Variants in ADRA2C observed in about 807,000 individuals in gnomAD.
ADRA2C encodes the protein adrenoceptor alpha 2C.
A neutral mutation model predicts 7.9 loss-of-function variants in ADRA2C; 4 were observed. The ratio of observed to expected loss-of-function variants is 0.51; its 90% CI spans 0.25 to 1.16. The LOEUF (loss-of-function observed/expected upper bound fraction) is 1.16, where lower values mean the gene tolerates loss of function less well. Among genes scored for constraint, ADRA2C ranks in the 50% most tolerant of loss-of-function variants. ADRA2C has a pLI of 0.15. For missense variants in ADRA2C, 589 were observed against 677.7 expected, an observed-to-expected ratio of 0.87 and a Z score of 1.45; for synonymous variants, 368 against 328.9, an observed-to-expected ratio of 1.12 and a Z score of -1.29.
Position 3,767,672 on chromosome 4 carries a change from T to C in ADRA2C, c.1066T>C (p.Phe356Leu). The change falls in exon 1 of 1, where the codon TTC becomes CTC. Residue 356 changes from phenylalanine to leucine, a missense_variant. Phe to Leu is a conservative substitution (Grantham distance 22). Coordinates refer to ENST00000330055, the MANE Select transcript of ADRA2C (RefSeq NM_000683.4). ...CGCCAGCTCGCGCTCCGTCGAGTTC[T>C]TCCTGTCGCGCCGGCGCCGGGCGCG... ...SRASSRSVEFFLSRRRRARSS... is the reference protein window; with the variant it reads ...SRASSRSVEFLLSRRRRARSS... 1.3e-6 allele frequency: 2 copies of C among 1,572,602 alleles called. No homozygotes were observed. Among genetic ancestry groups the C allele is most frequent in the Non-Finnish European group, 8.6e-7 (1 of 1,161,936 alleles).
rs747990947 is a variant in ADRA2C, at chr4:3,766,927, C to T, written c.321C>T (p.Phe107=). 1 of 1,610,936 alleles carries T rather than the reference C, an allele frequency of 6.2e-7. No homozygotes were observed. Among genetic ancestry groups the T allele is most frequent in the South Asian group, 1.1e-5 (1 of 90,980 alleles). ...DILVATLVMP[F]SLANELMAYW... is the part of the protein sequence containing the mutation. ...TGGTGGCCACGCTGGTCATGCCCTT[C>T]TCGTTGGCCAACGAGCTCATGGCCT... is the stretch of plus-strand genomic sequence containing the variant. The change falls in exon 1 of 1, where the codon TTC becomes TTT. Residue 107 remains phenylalanine, a synonymous_variant. Coordinates refer to ENST00000330055, the MANE Select transcript of ADRA2C (RefSeq NM_000683.4). The surrounding 1 kb of genome is among the most constrained non-coding windows in gnomAD (Gnocchi z 4.5).
rs1320617113 is a variant in ADRA2C at position 3,767,579 on chromosome 4, CCGGGGGCGGCTGAGT to C, written c.982_996del (p.Ala328_Ala332del). On this transcript the variant is annotated inframe_deletion, in exon 1 of 1. Coordinates refer to ENST00000330055, the MANE Select transcript of ADRA2C (RefSeq NM_000683.4). ...CGGTGCGGACGGGCAGGGGGCGGGG[CCGGGGGCGGCTGAGT>C]CGGGGGCGCTGACCGCCTCCAGGTC... 1.8e-5 allele frequency: 19 copies of C among 1,053,506 alleles called. No homozygotes were observed. Among genetic ancestry groups the C allele is most frequent in the Non-Finnish European group, 2.0e-5 (18 of 884,882 alleles). 65.3% of individuals were successfully genotyped at this position (1,053,506 alleles called of 1,614,324 possible).
rs1049194375 is a variant in ADRA2C, at chr4:3,767,547, G to C, written c.941G>C (p.Gly314Ala). The change falls in exon 1 of 1, where the codon GGC (glycine) becomes GCC (alanine). Residue 314 changes from glycine to alanine, a missense_variant. Coordinates refer to ENST00000330055, the MANE Select transcript of ADRA2C (RefSeq NM_000683.4). ...CGGCGGCGAGCGGGCGCGGAGGGGG[G>C]CGCGGGCGGTGCGGACGGGCAGGGG... is the stretch of plus-strand genomic sequence containing the variant. ...GGRRRAGAEG[G>A]AGGADGQGAG... 5.7e-6 allele frequency: 6 copies of C among 1,049,078 alleles called. No individual in the cohort carries two copies. In the East Asian group the frequency reaches 3.5e-4, roughly 61 times the overall value. The allele number at this position is 1,049,078 out of a possible 1,614,324, so 65.0% of individuals were successfully genotyped here. A position where few individuals can be genotyped will look rare whatever the true frequency, so the allele number is the denominator to read the frequency against.
Position 3,768,030 on chromosome 4 carries a change from G to C in ADRA2C, c.*35G>C, listed in dbSNP as rs1274405626. The C allele has an allele frequency of 2.5e-6, 4 of 1,587,112 alleles. No homozygotes were observed. The South Asian group carries it at 3.4e-5, about 14-fold the overall frequency. On this transcript the variant is annotated 3_prime_UTR_variant, in exon 1 of 1. Transcript: ENST00000330055. ...GTCTGGGAATCCTGGACAGCTCCGC[G>C]CTCGGGGCTGGGCAGAAGGGGCGGC... is the stretch of plus-strand genomic sequence containing the variant.
At position 3,766,841 on chromosome 4, in the gene ADRA2C, A is replaced by C. The variant is rs1259082906; in HGVS notation, c.235A>C (p.Ser79Arg). The change falls in exon 1 of 1, where the codon AGC becomes CGC. Residue 79 changes from serine (S) to arginine (R), a missense_variant. By Grantham distance (110) the Ser-to-Arg change is moderately radical (BLOSUM62 -1). Coordinates refer to ENST00000330055, the MANE Select transcript of ADRA2C (RefSeq NM_000683.4). The surrounding 1 kb of genome is among the most constrained non-coding windows in gnomAD (Gnocchi z 4.5). Reference protein sequence around the residue: ...NVLVVIAVLTSRALRAPQNLF... With the variant: ...NVLVVIAVLTRRALRAPQNLF... ...GCTGGTGGTGATCGCCGTGCTGACC[A>C]GCCGGGCGCTGCGCGCGCCACAGAA... is the stretch of plus-strand genomic sequence containing the variant. 6.3e-7 allele frequency: 1 copy of C among 1,589,612 alleles called. No homozygotes were observed. Among genetic ancestry groups the C allele is most frequent in the African/African-American group, 1.3e-5 (1 of 74,486 alleles).
chr4:3,767,366 G>A lies in ADRA2C; in HGVS notation c.760G>A (p.Asp254Asn). ...LSEKRAPVGP[D>N]GASPTTENGL... is the part of the protein sequence containing the mutation. ...CGAGAAGCGCGCCCCCGTGGGCCCC[G>A]ACGGTGCGTCCCCGACTACCGAAAA... The change falls in exon 1 of 1, where the codon GAC (aspartate) becomes AAC (asparagine). Residue 254 changes from aspartate to asparagine, a missense_variant. Coordinates refer to ENST00000330055, the MANE Select transcript of ADRA2C (RefSeq NM_000683.4). The A allele has an allele frequency of 1.3e-6, 2 of 1,542,668 alleles. No homozygotes were observed. Among genetic ancestry groups the A allele is most frequent in the African/African-American group, 1.4e-5 (1 of 73,176 alleles).
In ADRA2C at chr4:3,767,221, C is replaced by A; in HGVS notation, c.615C>A (p.Asn205Lys). 7 of 1,610,688 alleles carry A rather than the reference C, an allele frequency of 4.3e-6. No homozygotes were observed. Among genetic ancestry groups the A allele is most frequent in the Non-Finnish European group, 5.9e-6 (7 of 1,179,286 alleles). The change falls in exon 1 of 1, where the codon AAC becomes AAA. Residue 205 changes from asparagine (N) to lysine (K), a missense_variant. Asn to Lys is a moderately conservative substitution (Grantham distance 94). Transcript: ENST00000330055. Reference sequence around the variant, plus strand: ...CCGCCTACCCGCAGTGCGGCCTCAACGACGAGACCTGGTACATCCTGTCCT... The same window carrying A: ...CCGCCTACCCGCAGTGCGGCCTCAAAGACGAGACCTGGTACATCCTGTCCT... ...DGAAYPQCGL[N>K]DETWYILSSC...
chr4:3,767,833 C>G lies in ADRA2C; in HGVS notation c.1227C>G (p.Arg409=). 1 of 1,613,184 alleles carries G rather than the reference C, an allele frequency of 6.2e-7. No individual in the cohort carries two copies. The highest frequency in any genetic ancestry group is 1.6e-4 in the Middle Eastern group (1 of 6,062). The change falls in exon 1 of 1, where the codon CGC becomes CGG. Residue 409 remains arginine, a synonymous_variant. Transcript: ENST00000330055. ...GCTACAGCCTGTACGGCATCTGCCGCGAGGCCTGCCAGGTGCCCGGCCCGC... is the reference window on the plus strand; with the variant it reads ...GCTACAGCCTGTACGGCATCTGCCGGGAGGCCTGCCAGGTGCCCGGCCCGC... ...FFSYSLYGIC[R]EACQVPGPLF...
chr4:3,768,165 T>C lies in ADRA2C; in HGVS notation c.*170T>C. The C allele has an allele frequency of 1.3e-6, 1 of 747,730 alleles. No homozygotes were observed. Among genetic ancestry groups the C allele is most frequent in the Non-Finnish European group, 2.4e-6 (1 of 422,692 alleles). The allele number at this position is 747,730 out of a possible 1,614,324, so 46.3% of individuals were successfully genotyped here. On this transcript the variant is annotated 3_prime_UTR_variant, in exon 1 of 1. Coordinates refer to ENST00000330055, the MANE Select transcript of ADRA2C (RefSeq NM_000683.4). ...AGAGAGATAGCCGGGCTCCAGGGAG[T>C]GGGGAGGAGAGAGGGGGAGACCCCT...
chr4:3,767,919 C>T lies in ADRA2C; in HGVS notation c.1313C>T (p.Thr438Met), dbSNP rs762125237. The T allele has an allele frequency of 1.2e-6, 2 of 1,612,138 alleles. No homozygotes were observed. Among genetic ancestry groups the T allele is most frequent in the Non-Finnish European group, 1.7e-6 (2 of 1,179,954 alleles). ...AGCTCGCTCAACCCGGTCATCTACACGGTCTTCAACCAGGATTTCCGGCGA... is the reference window on the plus strand; with the variant it reads ...AGCTCGCTCAACCCGGTCATCTACATGGTCTTCAACCAGGATTTCCGGCGA... ...CNSSLNPVIY[T>M]VFNQDFRRSF... The change falls in exon 1 of 1, where the codon ACG becomes ATG. Residue 438 changes from threonine (T) to methionine (M), a missense_variant. Transcript: ENST00000330055.
rs1735508811 is a variant in ADRA2C, at chr4:3,768,386, C to T, written c.*391C>T. The T allele has an allele frequency of 3.0e-6, 2 of 660,078 alleles. No homozygotes were observed. The highest frequency in any genetic ancestry group is 5.6e-5 in the East Asian group (2 of 35,716). The allele number at this position is 660,078 out of a possible 1,614,324, so 40.9% of individuals were successfully genotyped here. The stretch of plus-strand genomic sequence containing the variant: ...CCCGTCTGACCAAGGGCTGACTTCT[C>T]CAGGACCTAGTCGGGGGGTGGCTGC... On this transcript the variant is annotated 3_prime_UTR_variant, in exon 1 of 1. Coordinates refer to ENST00000330055, the MANE Select transcript of ADRA2C (RefSeq NM_000683.4).
chr4:3,767,194 C>A lies in ADRA2C; in HGVS notation c.588C>A (p.Gly196=), dbSNP rs1735465751. The change falls in exon 1 of 1, where the codon GGC becomes GGA. Residue 196 remains glycine, a synonymous_variant. Coordinates refer to ENST00000330055, the MANE Select transcript of ADRA2C (RefSeq NM_000683.4). ...TCTCGCTCTACCGCCAGCCCGACGG[C>A]GCCGCCTACCCGCAGTGCGGCCTCA... is the stretch of plus-strand genomic sequence containing the variant. ...PLVSLYRQPD[G]AAYPQCGLND... 1.2e-6 allele frequency: 2 copies of A among 1,610,202 alleles called. No homozygotes were observed. Among genetic ancestry groups the A allele is most frequent in the Non-Finnish European group, 1.7e-6 (2 of 1,179,502 alleles).
rs368466055 is a variant in ADRA2C, at chr4:3,766,876, G to A, written c.270G>A (p.Leu90=). Residue 90 remains leucine (L), a synonymous_variant, in exon 1 of 1, where the codon CTG becomes CTA. Coordinates refer to ENST00000330055, the MANE Select transcript of ADRA2C (RefSeq NM_000683.4). The surrounding 1 kb of genome is among the most constrained non-coding windows in gnomAD (Gnocchi z 4.5). Reference sequence around the variant, plus strand: ...TGCGCGCGCCACAGAACCTCTTCCTGGTGTCGCTGGCCTCGGCCGACATCC... The same window carrying A: ...TGCGCGCGCCACAGAACCTCTTCCTAGTGTCGCTGGCCTCGGCCGACATCC... ...RALRAPQNLF[L]VSLASADILV... The A allele has an allele frequency of 3.7e-6, 6 of 1,607,270 alleles. No homozygotes were observed. The highest frequency in any genetic ancestry group is 4.2e-6 in the Non-Finnish European group (5 of 1,177,852).
Position 3,766,560 on chromosome 4 carries a change from G to C in ADRA2C, c.-47G>C. On this transcript the variant is annotated 5_prime_UTR_variant, in exon 1 of 1. Coordinates refer to ENST00000330055, the MANE Select transcript of ADRA2C (RefSeq NM_000683.4). This position sits in a 1 kb window ranked among gnomAD's most constrained non-coding sequence, Gnocchi z 4.5. The stretch of plus-strand genomic sequence containing the variant: ...GGCTGGGGGGCGCCCGAGCTGCCGC[G>C]GCTGCGCCCCGGCTCCAGGAGGGAC... 1 of 1,119,520 alleles carries C rather than the reference G, an allele frequency of 8.9e-7. No individual in the cohort carries two copies. The highest frequency in any genetic ancestry group is 1.1e-6 in the Non-Finnish European group (1 of 917,382). The allele number at this position is 1,119,520 out of a possible 1,614,324, so 69.3% of individuals were successfully genotyped here.
chr4:3,767,844 A>G lies in ADRA2C; in HGVS notation c.1238A>G (p.Gln413Arg), dbSNP rs947271279. The G allele has an allele frequency of 3.1e-6, 5 of 1,613,018 alleles. No homozygotes were observed. In the Admixed American group the frequency reaches 5.0e-5, roughly 16 times the overall value. ...SLYGICREACQVPGPLFKFFF... is the reference protein window; with the variant it reads ...SLYGICREACRVPGPLFKFFF... ...TACGGCATCTGCCGCGAGGCCTGCC[A>G]GGTGCCCGGCCCGCTCTTCAAGTTC... The change falls in exon 1 of 1, where the codon CAG (glutamine) becomes CGG (arginine). Residue 413 changes from glutamine (Q) to arginine (R), a missense_variant. Physicochemically the swap from Gln to Arg is conservative, Grantham distance 43. Coordinates refer to ENST00000330055, the MANE Select transcript of ADRA2C (RefSeq NM_000683.4).
At position 3,767,631 on chromosome 4, in the gene ADRA2C, G is replaced by T. The variant is rs781742921; in HGVS notation, c.1025G>T (p.Gly342Val). ...ALTASRSPGP[G>V]GRLSRASSRS... ...ACCGCCTCCAGGTCCCCGGGGCCCG[G>T]TGGCCGCCTGTCGCGCGCCAGCTCG... Residue 342 changes from glycine (G) to valine (V), a missense_variant, in exon 1 of 1, where the codon GGT (glycine) becomes GTT (valine). Transcript: ENST00000330055. The T allele has an allele frequency of 5.8e-5, 80 of 1,370,294 alleles. No individual in the cohort carries two copies. The East Asian group carries it at 2.3e-3, about 39-fold the overall frequency. 84.9% of individuals were successfully genotyped at this position (1,370,294 alleles called of 1,614,324 possible). A position where few individuals can be genotyped will look rare whatever the true frequency, so the allele number is the denominator to read the frequency against.
Position 3,767,783 on chromosome 4 carries a change from C to T in ADRA2C, c.1177C>T (p.Leu393Phe). The change falls in exon 1 of 1, where the codon CTC (leucine) becomes TTC (phenylalanine). Residue 393 changes from leucine (L) to phenylalanine (F), a missense_variant. Transcript: ENST00000330055. ...VLAVVMGVFVLCWFPFFFSYS... is the reference protein window; with the variant it reads ...VLAVVMGVFVFCWFPFFFSYS... Reference sequence around the variant, plus strand: ...GGCTGTGGTCATGGGCGTGTTCGTGCTCTGCTGGTTCCCCTTCTTCTTCAG... The same window carrying T: ...GGCTGTGGTCATGGGCGTGTTCGTGTTCTGCTGGTTCCCCTTCTTCTTCAG... The T allele has an allele frequency of 6.2e-7, 1 of 1,613,282 alleles. No individual in the cohort carries two copies. Among genetic ancestry groups the T allele is most frequent in the Non-Finnish European group, 8.5e-7 (1 of 1,179,854 alleles).
rs763006561 is a variant in ADRA2C at position 3,767,899 on chromosome 4, G to C, written c.1293G>C (p.Ser431=). Residue 431 remains serine, a synonymous_variant, in exon 1 of 1, where the codon TCG becomes TCC. Transcript: ENST00000330055. ...TCTGGATCGGCTACTGCAACAGCTC[G>C]CTCAACCCGGTCATCTACACGGTCT... The part of the protein sequence containing the change: ...FFFWIGYCNS[S]LNPVIYTVFN... The C allele has an allele frequency of 6.2e-7, 1 of 1,612,512 alleles. No homozygotes were observed. The highest frequency in any genetic ancestry group is 8.5e-7 in the Non-Finnish European group (1 of 1,179,930).
Position 3,768,305 on chromosome 4 carries a change from G to T in ADRA2C, c.*310G>T, listed in dbSNP as rs1379740548. 1.4e-6 allele frequency: 1 copy of T among 717,098 alleles called. No individual in the cohort carries two copies. Among genetic ancestry groups the T allele is most frequent in the Admixed American group, 2.0e-5 (1 of 50,008 alleles). 44.4% of individuals were successfully genotyped at this position (717,098 alleles called of 1,614,324 possible). On this transcript the variant is annotated 3_prime_UTR_variant, in exon 1 of 1. Coordinates refer to ENST00000330055, the MANE Select transcript of ADRA2C (RefSeq NM_000683.4). ...AGGGTTTTAGAGAGCAGTGGCAGAG[G>T]TAGCCCCCTAAATGGGCAAGCAAGG...
Sources: gnomAD v4.1 joint callset for allele counts on GRCh38, gnomAD v4.1.1 for gene constraint, Gnocchi (gnomAD v3.1) non-coding constraint, MANE v1.5 for transcripts, NCBI Gene and HGNC (gene_info 2026-07-23, HGNC 2026-07-21) for gene names.